CNDP1: variants seen among roughly 807,000 people sequenced by gnomAD.
CNDP1 encodes carnosine dipeptidase 1, also known as beta-Ala-His dipeptidase.
A neutral mutation model predicts 58.1 loss-of-function variants in CNDP1; 44 were observed. The ratio of observed to expected loss-of-function variants is 0.76; its 90% CI spans 0.60 to 0.97. The LOEUF (loss-of-function observed/expected upper bound fraction) is 0.97, where lower values mean the gene tolerates loss of function less well. CNDP1 is among the 50% of genes least tolerant of loss of function. The pLI is 0.00. For missense variants in CNDP1, 616 were observed against 655.1 expected (o/e 0.94, Z 0.65); for synonymous variants, 254 against 252.6 (o/e 1.01, Z -0.05).
intron 2 of CNDP1, among the ~76,000 whole-genome samples, chr18:74,556,909 T>C (rs1227719701): frequency 6.6e-6 from 1 of 152,222 alleles, no homozygotes; most frequent in South Asian, 2.1e-4. Flanking sequence ...CATTCATTCA[T>C]TCATTCAATT....
rs1981914453 is a variant in CNDP1, at chr18:74,586,371, T to G, written c.*1809T>G. The G allele has an allele frequency of 6.6e-6, 1 of 152,228 alleles. No homozygotes were observed. The highest frequency in any genetic ancestry group is 1.9e-4 in the East Asian group (1 of 5,204). 9.4% of individuals were successfully genotyped at this position (152,228 alleles called of 1,614,324 possible). A position where few individuals can be genotyped will look rare whatever the true frequency, so the allele number is the denominator to read the frequency against. ...TCTAATTATGCAGAGTTTCGTGGTGTTTCTCGATTTTGTTGAACCTACCTG... is the reference window on the plus strand; with the variant it reads ...TCTAATTATGCAGAGTTTCGTGGTGGTTCTCGATTTTGTTGAACCTACCTG... On this transcript the variant is annotated 3_prime_UTR_variant, in exon 12 of 12. Transcript: ENST00000358821.
At chr18:74,547,447 C>A (rs533590493) in intron 1 of CNDP1, among the ~76,000 whole-genome samples, 1 of 152,326 alleles carries the variant, frequency 6.6e-6, no homozygotes, top group East Asian at 1.9e-4. Flanking sequence ...ATTTTCTATT[C>A]TTTCTTCTGT....
chr18:74,577,967 T>G, intron 8 of CNDP1, 196 bp from the exon 9 acceptor site: 2 of 505,830 alleles, frequency 4.0e-6, no homozygotes, highest in Admixed American at 3.6e-5. Flanking sequence ...TTGGTAGTGA[T>G]GGGTAGTGAA....
At chr18:74,534,812 C>G in intron 1 of CNDP1, 121 bp downstream of exon 1, 1 of 1,020,598 alleles carries the variant, frequency 9.8e-7, no homozygotes, top group Non-Finnish European at 1.5e-6. Flanking sequence ...CCAGATGCTG[C>G]TCCTCATGGT....
In CNDP1 at chr18:74,577,168, T is replaced by G. The variant is rs1057319289; in HGVS notation, c.1002+139T>G. The G allele has an allele frequency of 5.1e-6, 4 of 790,816 alleles. No homozygotes were observed. In the African/African-American group the frequency reaches 7.1e-5, roughly 14 times the overall value. 49.0% of individuals were successfully genotyped at this position (790,816 alleles called of 1,614,324 possible). ...AGATGTGAATTCCCAGGCATATTTT[T>G]GACATTCACAGCCACTTCCCCGTGG... On this transcript the variant is annotated intron_variant, in intron 8 of 11. Coordinates refer to ENST00000358821, the MANE Select transcript of CNDP1 (RefSeq NM_032649.6).
intron 8 of CNDP1, 95 bp from the exon 9 acceptor site, chr18:74,578,068 A>G: frequency 3.5e-6 from 4 of 1,127,080 alleles, no homozygotes; most frequent in Non-Finnish European, 5.1e-6. Context: ...CGTGTCCTGA[A>G]TGGTGTCTCA....
At chr18:74,575,651 T>C (rs1981612601) in intron 7 of CNDP1, among the ~76,000 whole-genome samples, 1 of 152,190 alleles carries the variant, frequency 6.6e-6, no homozygotes. Context: ...TTTGTGGTCA[T>C]GATGGTATCT....
intron 5 of CNDP1, among the ~76,000 whole-genome samples, chr18:74,565,298 A>T (rs1308393781): frequency 1.3e-5 from 2 of 152,162 alleles, no homozygotes; most frequent in Non-Finnish European, 2.9e-5. Flanking sequence ...GGCCCCTCCA[A>T]ATCTCATGTC....
intron 5 of CNDP1, among the ~76,000 whole-genome samples, chr18:74,562,385 C>T (rs1981225058): frequency 6.6e-6 from 1 of 152,206 alleles, no homozygotes; most frequent in Non-Finnish European, 1.5e-5. Context: ...CCAGCCTGCA[C>T]TGTTAACCAT....
At chr18:74,576,499 C>T (rs979546746) in intron 7 of CNDP1, 11 of 173,254 alleles carry the variant, frequency 6.3e-5, no homozygotes, top group Admixed American at 3.2e-4. Flanking sequence ...ACACATATTA[C>T]TTTTAAAATC....
At chr18:74,558,792 C>T (rs944523745) in intron 2 of CNDP1, among the ~76,000 whole-genome samples, 5 of 152,050 alleles carry the variant, frequency 3.3e-5, no homozygotes, top group Admixed American at 6.6e-5. Context: ...AGTTTAAGCC[C>T]GAGGTCACAG....
rs188196608 is a variant in CNDP1, at chr18:74,561,833, G to A, written c.467-214G>A. On this transcript the variant is annotated intron_variant, in intron 4 of 11. Transcript: ENST00000358821. ...TATCTTATCTGACTAGCTGATGACT[G>A]TACTATTTGTCAGGGAAGAGATCCA... Among the ~76,000 whole-genome samples, 18 of 152,200 alleles carry A rather than the reference G, an allele frequency of 1.2e-4. No individual in the cohort carries two copies. The East Asian group carries it at 3.1e-3, about 26-fold the overall frequency.
At chr18:74,541,173 T>A (rs1407146149) in intron 1 of CNDP1, among the ~76,000 whole-genome samples, 1 of 152,152 alleles carries the variant, frequency 6.6e-6, no homozygotes, top group Non-Finnish European at 1.5e-5. Flanking sequence ...CGCTGGGGGC[T>A]CACAGTGAGT....
chr18:74,569,075 C>G (rs548713614), intron 6 of CNDP1, among the ~76,000 whole-genome samples: 1 of 152,084 alleles, frequency 6.6e-6, no homozygotes, highest in South Asian at 2.1e-4. Flanking sequence ...TAATGAAGAC[C>G]GAGAACAGGT....
intron 1 of CNDP1, among the ~76,000 whole-genome samples, chr18:74,544,381 C>T (rs1184071682): frequency 6.6e-6 from 1 of 152,072 alleles, no homozygotes; most frequent in East Asian, 1.9e-4. Flanking sequence ...TCATGAGAGC[C>T]AGACAGATAA....
At position 74,580,184 on chromosome 18, in the gene CNDP1, G is replaced by T. The variant is rs753067945; in HGVS notation, c.1222G>T (p.Val408Phe). 2 of 1,614,028 alleles carry T rather than the reference G, an allele frequency of 1.2e-6. No homozygotes were observed. The highest frequency in any genetic ancestry group is 1.7e-5 in the Admixed American group (1 of 60,014). Residue 408 changes from valine to phenylalanine, a missense_variant, in exon 10 of 12, where the codon GTT becomes TTT. Val to Phe is a conservative substitution (Grantham distance 50, BLOSUM62 -1). Coordinates refer to ENST00000358821, the MANE Select transcript of CNDP1 (RefSeq NM_032649.6). ...CAAAAGAAATAGTTCCAACAAGATG[G>T]TTGTTTCCATGACTCTAGGACTACA... Reference protein sequence around the residue: ...FSKRNSSNKMVVSMTLGLHPW... With the variant: ...FSKRNSSNKMFVSMTLGLHPW...
intron 1 of CNDP1, among the ~76,000 whole-genome samples, chr18:74,537,707 T>C (rs972326630): frequency 5.9e-5 from 9 of 152,176 alleles, no homozygotes; most frequent in African/African-American, 2.2e-4. Context: ...ATGTGCCTCC[T>C]CTGTGCTCTA....
rs1364761845 is a variant in CNDP1 at position 74,586,024 on chromosome 18, A to T, written c.*1462A>T. 1 of 151,378 alleles carries T rather than the reference A, an allele frequency of 6.6e-6. No individual in the cohort carries two copies. The highest frequency in any genetic ancestry group is 1.9e-4 in the East Asian group (1 of 5,180). 9.4% of individuals were successfully genotyped at this position (151,378 alleles called of 1,614,324 possible). A position where few individuals can be genotyped will look rare whatever the true frequency, so the allele number is the denominator to read the frequency against. Reference sequence around the variant, plus strand: ...AAAAAAAAAAAAAAAAAAAAAGCAGAACACATTTGCGTTCAACTTTTTTCC... The same window carrying T: ...AAAAAAAAAAAAAAAAAAAAAGCAGTACACATTTGCGTTCAACTTTTTTCC... On this transcript the variant is annotated 3_prime_UTR_variant, in exon 12 of 12. Transcript: ENST00000358821.
At chr18:74,554,143 G>A (rs1282232503) in intron 1 of CNDP1, among the ~76,000 whole-genome samples, 3 of 152,132 alleles carry the variant, frequency 2.0e-5, no homozygotes, top group Non-Finnish European at 4.4e-5. Flanking sequence ...ATGCCACCCC[G>A]ACTGCACTGC....
Sources: allele counts gnomAD v4.1 joint callset (sites outside exome capture counted in the v4.1 genomes callset), GRCh38; gene constraint gnomAD v4.1.1; transcripts MANE v1.5; gene names NCBI Gene and HGNC (gene_info 2026-07-23, HGNC 2026-07-21).